The following CCDC93 variants were observed in gnomAD, a reference collection of about 807,000 sequenced individuals.
The protein encoded by CCDC93 is coiled-coil domain-containing protein 93.
In CCDC93, 61 loss-of-function variants were observed where a neutral mutation model predicts 108.2. The observed-to-expected ratio is 0.56, with a 90% CI of 0.46 to 0.70. CCDC93 has a LOEUF of 0.70. CCDC93 is among the 30% of genes least tolerant of loss of function. The pLI is 0.00. For synonymous variants in CCDC93, 276 were observed against 260.4 expected (o/e 1.06, Z -0.58); for missense variants, 685 against 764.2 (o/e 0.90, Z 1.22).
At chr2:117,988,684 A>T (rs1389632482) in intron 6 of CCDC93, among the ~76,000 whole-genome samples, 1 of 152,246 alleles carries the variant, frequency 6.6e-6, no homozygotes, top group Non-Finnish European at 1.5e-5. Flanking sequence ...CATAAGAAAA[A>T]GTTACTATAA....
Position 117,973,990 on chromosome 2 carries a change from C to T in CCDC93, c.806G>A (p.Arg269His), listed in dbSNP as rs140577157. Reference sequence around the variant, plus strand: ...CTGGCCCACGGAGCTTGCGGTGAGACGGCTCTGCAAGTATATGGAGGGAAT... The same window carrying T: ...CTGGCCCACGGAGCTTGCGGTGAGATGGCTCTGCAAGTATATGGAGGGAAT... Reference protein sequence around the residue: ...KMTAMANEESRLTASSVGQIV... With the variant: ...KMTAMANEESHLTASSVGQIV... Residue 269 changes from arginine (R) to histidine (H), a missense_variant, in exon 11 of 24, where the codon CGT becomes CAT. Physicochemically the swap from Arg to His is conservative, Grantham distance 29. Transcript: ENST00000376300. The T allele has an allele frequency of 9.5e-5, 152 of 1,606,462 alleles. No homozygotes were observed. Among genetic ancestry groups the T allele is most frequent in the Middle Eastern group, 1.7e-4 (1 of 6,052 alleles).
At chr2:117,925,697 A>T (rs1678062444) in intron 23 of CCDC93, among the ~76,000 whole-genome samples, 1 of 152,020 alleles carries the variant, frequency 6.6e-6, no homozygotes, top group African/African-American at 2.4e-5. Context: ...CCCACTGTCA[A>T]CATTAGATCA....
intron 1 of CCDC93, among the ~76,000 whole-genome samples, chr2:118,013,128 C>T (rs1677063865): frequency 6.6e-6 from 1 of 152,230 alleles, no homozygotes; most frequent in Non-Finnish European, 1.5e-5. Flanking sequence ...CTATGAGATG[C>T]TAAGTGGTAT....
intron 14 of CCDC93, 115 bp from the exon 15 acceptor site, chr2:117,948,301 C>T: frequency 2.9e-6 from 2 of 686,784 alleles, no homozygotes; most frequent in South Asian, 1.8e-5. Context: ...CCTTTCTCAG[C>T]TCTAAGAGTG....
At chr2:117,948,788 A>G (rs1678957105) in intron 14 of CCDC93, among the ~76,000 whole-genome samples, 1 of 152,200 alleles carries the variant, frequency 6.6e-6, no homozygotes, top group Non-Finnish European at 1.5e-5. Context: ...TTACCACCCA[A>G]ATAGTCTGAA....
intron 17 of CCDC93, 80 bp from the exon 18 acceptor site, chr2:117,944,166 T>G: frequency 3.0e-6 from 3 of 1,009,836 alleles, no homozygotes; most frequent in Non-Finnish European, 4.4e-6. Flanking sequence ...GTTGAATATG[T>G]TTTTATCATA....
chr2:117,981,490 T>C (rs1046491062), intron 7 of CCDC93, among the ~76,000 whole-genome samples: 6 of 152,204 alleles, frequency 3.9e-5, no homozygotes, highest in African/African-American at 1.4e-4. Flanking sequence ...TCCTCTTCTT[T>C]AGCTCTGATT....
intron 11 of CCDC93, among the ~76,000 whole-genome samples, chr2:117,968,363 C>T (rs1424138637): frequency 6.6e-6 from 1 of 152,128 alleles, no homozygotes; most frequent in Non-Finnish European, 1.5e-5. Context: ...AAAATAAATG[C>T]TATGATGCAG....
At chr2:117,928,800 C>G (rs938317475) in intron 23 of CCDC93, among the ~76,000 whole-genome samples, 9 of 152,206 alleles carry the variant, frequency 5.9e-5, no homozygotes, top group Non-Finnish European at 1.3e-4. Context: ...GCAATAAAGA[C>G]ACATGCACAC....
chr2:117,979,800 T>G (rs1231720563), intron 7 of CCDC93, among the ~76,000 whole-genome samples: 1 of 152,214 alleles, frequency 6.6e-6, no homozygotes, highest in Non-Finnish European at 1.5e-5. Context: ...TGGCTTAATA[T>G]CTATTGCATC....
chr2:117,951,241 C>G (rs980742787), intron 13 of CCDC93: 2 of 985,366 alleles, frequency 2.0e-6, no homozygotes, highest in Non-Finnish European at 2.4e-6. Flanking sequence ...GGGCTCCCAA[C>G]CCGCAGAGCT....
At chr2:117,927,413 CAA>C (rs1678155924) in intron 23 of CCDC93, among the ~76,000 whole-genome samples, 2 of 152,116 alleles carry the variant, frequency 1.3e-5, no homozygotes, top group African/African-American at 4.8e-5. Flanking sequence ...ATAGATTCAG[CAA>C]AGTCTCAGGA....
chr2:117,917,927 T>C lies in CCDC93; in HGVS notation c.*2416A>G, dbSNP rs1677737651. On this transcript the variant is annotated 3_prime_UTR_variant, in exon 24 of 24. Transcript: ENST00000376300. The stretch of plus-strand genomic sequence containing the variant: ...GATTGAGCAGGGAGCCTCTCTCTCC[T>C]GGGGAAACCTGGTTCCTCCTGAAGC... 6.6e-6 allele frequency: 1 copy of C among 152,254 alleles called. No homozygotes were observed. The highest frequency in any genetic ancestry group is 2.1e-4 in the South Asian group (1 of 4,834). 9.4% of individuals were successfully genotyped at this position (152,254 alleles called of 1,614,324 possible).
chr2:117,965,074 T>C (rs1679516698), intron 11 of CCDC93, among the ~76,000 whole-genome samples: 1 of 152,158 alleles, frequency 6.6e-6, no homozygotes, highest in East Asian at 1.9e-4. Flanking sequence ...CAACACCTAT[T>C]ATGTTATGTG....
At chr2:117,934,277 C>T (rs192647386) in intron 22 of CCDC93, among the ~76,000 whole-genome samples, 21 of 152,266 alleles carry the variant, frequency 1.4e-4, no homozygotes, top group African/African-American at 5.1e-4. Flanking sequence ...AAGGTGGAAG[C>T]GTCTAACACA....
chr2:118,000,829 C>T lies in CCDC93; in HGVS notation c.355G>A (p.Val119Ile). The change falls in exon 4 of 24, where the codon GTT (valine) becomes ATT (isoleucine). Residue 119 changes from valine (V) to isoleucine (I), a missense_variant. Coordinates refer to ENST00000376300, the MANE Select transcript of CCDC93 (RefSeq NM_019044.5). The part of the protein sequence containing the change: ...QGMDFIHIFP[V>I]VQWLVKRAIE... ...CACACAGAGGCTCTCACCTGAACAA[C>T]AGGAAATATGTGAATAAAATCCATC... The T allele has an allele frequency of 6.2e-7, 1 of 1,608,176 alleles. No individual in the cohort carries two copies. Among genetic ancestry groups the T allele is most frequent in the African/African-American group, 1.3e-5 (1 of 74,902 alleles).
chr2:117,939,676 A>G (rs1678638139), intron 19 of CCDC93, among the ~76,000 whole-genome samples: 1 of 152,218 alleles, frequency 6.6e-6, no homozygotes, highest in Non-Finnish European at 1.5e-5. Flanking sequence ...ATTTGAGTCC[A>G]GTGTGAGGAC....
chr2:117,921,695 G>A (rs184047597), intron 23 of CCDC93: 1 of 152,386 alleles, frequency 6.6e-6, no homozygotes, highest in Non-Finnish European at 1.5e-5. Context: ...CCAGCTCTCT[G>A]GAGGCCCTGA....
chr2:117,951,932 T>G lies in CCDC93; in HGVS notation c.1068+441A>C, dbSNP rs3898948. 8.1e-3 allele frequency among the ~76,000 whole-genome samples: 1,226 copies of G among 152,264 alleles called. 10 individuals are homozygous for G. Among genetic ancestry groups the G allele is most frequent in the South Asian group, 0.015 (73 of 4,822 alleles). On this transcript the variant is annotated intron_variant, in intron 13 of 23. Coordinates refer to ENST00000376300, the MANE Select transcript of CCDC93 (RefSeq NM_019044.5). ...CTGCCTAGGAGATAACTGGAAATTC[T>G]GAACAATTATATCACTCTGAGGTTC...
Sources: gnomAD v4.1 joint callset for allele counts (sites outside exome capture counted in the v4.1 genomes callset) on GRCh38, gnomAD v4.1.1 for gene constraint, MANE v1.5 for transcripts, NCBI Gene and HGNC (gene_info 2026-07-23, HGNC 2026-07-21) for gene names.